The following LIN7A variants were observed in gnomAD, a reference collection of about 807,000 sequenced individuals.
LIN7A encodes the protein protein lin-7 homolog A.
Under a neutral mutation model 29.8 loss-of-function variants are expected in LIN7A, and 25 were observed. That is an observed-to-expected ratio of 0.84 (90% CI 0.61 to 1.17). The LOEUF (loss-of-function observed/expected upper bound fraction) is 1.17, where lower values mean the gene tolerates loss of function less well. Ranked by LOEUF, LIN7A falls within the 50% of genes most tolerant of loss-of-function variation. LIN7A has a pLI of 0.00. For missense variants in LIN7A, 239 were observed against 287.0 expected (o/e 0.83, Z 1.21); for synonymous variants, 118 against 107.5 (o/e 1.10, Z -0.60).
At chr12:80,907,635 C>T (rs1280448426) in intron 1 of LIN7A, among the ~76,000 whole-genome samples, 1 of 151,888 alleles carries the variant, frequency 6.6e-6, no homozygotes, top group Non-Finnish European at 1.5e-5. Flanking sequence ...ATCAAGAGAG[C>T]TATTAAATTA....
chr12:80,816,421 A>G (rs1305599473), intron 4 of LIN7A, among the ~76,000 whole-genome samples: 1 of 150,964 alleles, frequency 6.6e-6, no homozygotes, highest in Non-Finnish European at 1.5e-5. Flanking sequence ...AAAAAAAAAA[A>G]GTGTATATAT....
chr12:80,921,078 T>C lies in LIN7A; in HGVS notation c.82+16563A>G, dbSNP rs1311761355. On this transcript the variant is annotated intron_variant, in intron 1 of 5. Coordinates refer to ENST00000552864, the MANE Select transcript of LIN7A (RefSeq NM_004664.4). ...TGAAGCCTAATCACCAATGTGATGG[T>C]GTTAGAAGGTAAGGACTTTGAGATA... Among the ~76,000 whole-genome samples, 4 of 152,266 alleles carry C rather than the reference T, an allele frequency of 2.6e-5. 1 individual carries two copies. The highest frequency in any genetic ancestry group is 6.8e-3 in the Middle Eastern group (2 of 294).
chr12:80,900,014 G>A (rs1426484034), intron 1 of LIN7A, among the ~76,000 whole-genome samples: 1 of 151,790 alleles, frequency 6.6e-6, no homozygotes, highest in Non-Finnish European at 1.5e-5. Context: ...TGATCTGCCC[G>A]CCTCGGCCTC....
chr12:80,901,281 G>T (rs1301489189), intron 1 of LIN7A, among the ~76,000 whole-genome samples: 1 of 152,112 alleles, frequency 6.6e-6, no homozygotes, highest in Non-Finnish European at 1.5e-5. Flanking sequence ...GATTTTAGAT[G>T]CAGCTAGGTG....
At chr12:80,827,165 A>T (rs139017028) in intron 4 of LIN7A, among the ~76,000 whole-genome samples, 21 of 152,260 alleles carry the variant, frequency 1.4e-4, no homozygotes, top group Admixed American at 4.6e-4. Context: ...AGGTGAGCAG[A>T]TCACGAGGTC....
At position 80,797,811 on chromosome 12, in the gene LIN7A, T is replaced by C. The variant is rs192007078; in HGVS notation, c.*1-85A>G. ...ATGCTAAAAATATCAAAAGAGCATA[T>C]GCTATGTGAGAACAGCAAGGATTAT... is the stretch of plus-strand genomic sequence containing the variant. On this transcript the variant is annotated intron_variant, in intron 5 of 5. Transcript: ENST00000552864. 1.9e-3 allele frequency: 289 copies of C among 152,718 alleles called. 2 individuals carry two copies. Among genetic ancestry groups the C allele is most frequent in the Non-Finnish European group, 2.7e-3 (182 of 68,032 alleles). 9.5% of individuals were successfully genotyped at this position (152,718 alleles called of 1,614,324 possible).
rs1359317955 is a variant in LIN7A at position 80,848,245 on chromosome 12, C to G, written c.273+6G>C. 5 of 1,610,118 alleles carry G rather than the reference C, an allele frequency of 3.1e-6. No individual in the cohort carries two copies. Among genetic ancestry groups the G allele is most frequent in the East Asian group, 2.2e-5 (1 of 44,804 alleles). On this transcript the variant is annotated splice_donor_region_variant and intron_variant, in intron 3 of 5. Coordinates refer to ENST00000552864, the MANE Select transcript of LIN7A (RefSeq NM_004664.4). ...AAGTATATTTTTAAAGTTACTCAAG[C>G]CTTACCTTTGCTGTTGCCCTCGCAC...
intron 1 of LIN7A, among the ~76,000 whole-genome samples, chr12:80,912,274 TA>T (rs928905641): frequency 6.6e-6 from 1 of 152,134 alleles, no homozygotes; most frequent in Non-Finnish European, 1.5e-5. Flanking sequence ...ATTAGTTATA[TA>T]AAAGGCATTA....
chr12:80,828,475 G>A (rs890078579), intron 4 of LIN7A, among the ~76,000 whole-genome samples: 10 of 152,096 alleles, frequency 6.6e-5, no homozygotes, highest in African/African-American at 2.2e-4. Flanking sequence ...ATACGTATAT[G>A]TAAAAATAGC....
At chr12:80,798,776 A>G (rs1870576054) in intron 5 of LIN7A, among the ~76,000 whole-genome samples, 1 of 148,300 alleles carries the variant, frequency 6.7e-6, no homozygotes, top group Non-Finnish European at 1.5e-5. Flanking sequence ...CCAGAGATCT[A>G]GACTGAGTTC....
At chr12:80,817,286 C>T (rs1389172833) in intron 4 of LIN7A, among the ~76,000 whole-genome samples, 1 of 152,092 alleles carries the variant, frequency 6.6e-6, no homozygotes, top group African/African-American at 2.4e-5. Context: ...CTCCCGCTTC[C>T]ATAGAGGGTT....
At position 80,801,230 on chromosome 12, in the gene LIN7A, A is replaced by G. The variant is rs572850300; in HGVS notation, c.*1-3504T>C. The stretch of plus-strand genomic sequence containing the variant: ...TTTGCAATGAAAAAGTGTCACTTTC[A>G]TACACAAACATCAAATGTAAATCAA... On this transcript the variant is annotated intron_variant, in intron 5 of 5. Coordinates refer to ENST00000552864, the MANE Select transcript of LIN7A (RefSeq NM_004664.4). Among the ~76,000 whole-genome samples the G allele has an allele frequency of 1.1e-4, 17 of 152,338 alleles. No individual in the cohort carries two copies. In the East Asian group the frequency reaches 3.3e-3, roughly 29 times the overall value.
intron 1 of LIN7A, among the ~76,000 whole-genome samples, chr12:80,901,131 C>G (rs1252800081): frequency 6.6e-6 from 1 of 152,078 alleles, no homozygotes; most frequent in East Asian, 1.9e-4. Flanking sequence ...ATTAAGTACA[C>G]TAGAAGTACA....
At chr12:80,879,378 T>G (rs1054189341) in intron 2 of LIN7A, among the ~76,000 whole-genome samples, 1 of 152,140 alleles carries the variant, frequency 6.6e-6, no homozygotes, top group Non-Finnish European at 1.5e-5. Flanking sequence ...TATCATTTAT[T>G]TATTTGTTTG....
In LIN7A at chr12:80,793,569, T is replaced by G. The variant is rs1037441115; in HGVS notation, c.*4158A>C. The G allele has an allele frequency of 3.3e-5, 5 of 152,194 alleles. No homozygotes were observed. Among genetic ancestry groups the G allele is most frequent in the African/African-American group, 1.2e-4 (5 of 41,448 alleles). 9.4% of individuals were successfully genotyped at this position (152,194 alleles called of 1,614,324 possible). On this transcript the variant is annotated 3_prime_UTR_variant, in exon 6 of 6. Transcript: ENST00000552864. ...CCTCCAAGAGGGATTGTGTCTGTCT[T>G]GTTTGCTGTTGCATTTCCAGAACCT... is the stretch of plus-strand genomic sequence containing the variant.
At chr12:80,848,376 C>A (rs1565900539) in intron 2 of LIN7A, 54 bp from the exon 3 acceptor site, 3 of 1,269,660 alleles carry the variant, frequency 2.4e-6, no homozygotes, top group African/African-American at 1.5e-5. Flanking sequence ...AATAATAATT[C>A]TTTTATTGCA....
chr12:80,935,087 T>C (rs1367624055), intron 1 of LIN7A, among the ~76,000 whole-genome samples: 2 of 152,220 alleles, frequency 1.3e-5, no homozygotes, highest in Non-Finnish European at 2.9e-5. Context: ...ATTGCTTAAG[T>C]TACTGCTATC....
intron 5 of LIN7A, among the ~76,000 whole-genome samples, chr12:80,800,573 A>C (rs1432677212): frequency 6.6e-6 from 1 of 150,794 alleles, no homozygotes; most frequent in African/African-American, 2.4e-5. Flanking sequence ...GAATAGGTCT[A>C]TATTTATAAA....
intron 1 of LIN7A, among the ~76,000 whole-genome samples, chr12:80,918,146 C>G (rs1294235856): frequency 6.6e-6 from 1 of 152,128 alleles, no homozygotes; most frequent in Non-Finnish European, 1.5e-5. Context: ...CTCCCAAACT[C>G]AAGTGATCCT....
Sources: gnomAD v4.1 joint callset for allele counts (sites outside exome capture counted in the v4.1 genomes callset) on GRCh38, gnomAD v4.1.1 for gene constraint, MANE v1.5 for transcripts, NCBI Gene and HGNC (gene_info 2026-07-23, HGNC 2026-07-21) for gene names.